The following TTLL8 variants were observed in gnomAD, a reference collection of about 807,000 sequenced individuals.
TTLL8 encodes the protein tubulin tyrosine ligase like 8, also known as protein monoglycylase TTLL8.
Under a neutral mutation model 77.8 loss-of-function variants are expected in TTLL8, and 65 were observed. That is an observed-to-expected ratio of 0.84 (90% confidence interval 0.68 to 1.03). The LOEUF (loss-of-function observed/expected upper bound fraction) is 1.03. Ranked by LOEUF, TTLL8 falls within the 50% of genes least tolerant of loss-of-function variation. TTLL8 has a pLI of 0.00. For missense variants in TTLL8, 910 were observed against 1,004.5 expected, an observed-to-expected ratio of 0.91 and a Z score of 1.27; for synonymous variants, 402 against 422.8, an observed-to-expected ratio of 0.95 and a Z score of 0.60.
rs758696709 is a variant in TTLL8, at chr22:50,030,936, G to A, written c.1708-11C>T. 7.6e-7 allele frequency: 1 copy of A among 1,315,082 alleles called. No individual in the cohort carries two copies. The highest frequency in any genetic ancestry group is 1.0e-6 in the Non-Finnish European group (1 of 1,003,308). The allele number at this position is 1,315,082 out of a possible 1,614,324, so 81.5% of individuals were successfully genotyped here. ...CGGCTCAACCACCGGCTGTGGGGAAGGAACAGGTTGGGGTGCTGGGCTGTG... is the reference window on the plus strand; with the variant it reads ...CGGCTCAACCACCGGCTGTGGGGAAAGAACAGGTTGGGGTGCTGGGCTGTG... On this transcript the variant is annotated splice_polypyrimidine_tract_variant and intron_variant, in intron 11 of 13. Transcript: ENST00000266182.
chr22:50,025,463 A>T (rs927839225), intron 12 of TTLL8, among the ~76,000 whole-genome samples: 19 of 152,054 alleles, frequency 1.2e-4, no homozygotes, highest in Admixed American at 2.6e-4. Flanking sequence ...AACATGGTGA[A>T]ACCCCGTCTC....
intron 12 of TTLL8, among the ~76,000 whole-genome samples, chr22:50,026,490 C>T (rs1043672774): frequency 4.0e-5 from 6 of 149,642 alleles, no homozygotes; most frequent in South Asian, 2.1e-4. Context: ...GGGTCAGACA[C>T]GGAAATACAC....
chr22:50,022,498 C>G (rs1020207242), intron 12 of TTLL8, among the ~76,000 whole-genome samples: 1 of 151,458 alleles, frequency 6.6e-6, no homozygotes, highest in Non-Finnish European at 1.5e-5. Flanking sequence ...GACGTGCACT[C>G]CTCCATCTGA....
chr22:50,056,991 GTGGTTA>G, upstream of TTLL8: 1 of 1,288,410 alleles, frequency 7.8e-7, no homozygotes, highest in Non-Finnish European at 1.0e-6. The surrounding 1 kb of genome is among the most constrained non-coding windows in gnomAD (Gnocchi z 4.1). Context: ...AGAGGGTGTG[GTGGTTA>G]CAGGAAACTG....
At position 50,020,866 on chromosome 22, in the gene TTLL8, G is replaced by A. The variant is rs548514262; in HGVS notation, c.2204-4304C>T. Among the ~76,000 whole-genome samples the A allele has an allele frequency of 3.7e-3, 440 of 119,010 alleles. 2 individuals carry two copies. Among genetic ancestry groups the A allele is most frequent in the African/African-American group, 0.013 (402 of 31,500 alleles). The allele number at this position is 119,010 out of a possible 152,430, so 78.1% of individuals were successfully genotyped here. ...AACGTGCACTCCTACATCTGACGACGTGCACTCCTCCATCTGACGTGCACT... is the reference window on the plus strand; with the variant it reads ...AACGTGCACTCCTACATCTGACGACATGCACTCCTCCATCTGACGTGCACT... On this transcript the variant is annotated intron_variant, in intron 12 of 13. Transcript: ENST00000266182.
exon 10 of TTLL8, chr22:50,033,303 C>T (rs748103250): frequency 7.3e-7 from 1 of 1,364,750 alleles, no homozygotes; most frequent in African/African-American, 1.5e-5. Flanking sequence ...CGAGGAACCA[C>T]TGTCTGATGT....
intron 1 of TTLL8, among the ~76,000 whole-genome samples, chr22:50,051,252 C>G (rs1289548258): frequency 6.6e-6 from 1 of 152,270 alleles, no homozygotes; most frequent in Non-Finnish European, 1.5e-5. Context: ...TTTGCATCCT[C>G]ATAGCTTAGC....
At chr22:50,058,099 C>A (rs896345328), upstream of TTLL8, among the ~76,000 whole-genome samples, 4 of 151,652 alleles carry the variant, frequency 2.6e-5, no homozygotes, top group South Asian at 2.1e-4. The surrounding 1 kb of genome is among the most constrained non-coding windows in gnomAD (Gnocchi z 4.2). Context: ...GGGGTCCTGT[C>A]CGGGATCGGA....
exon 12 of TTLL8, chr22:50,030,745 G>A: frequency 7.5e-7 from 1 of 1,328,648 alleles, no homozygotes; most frequent in South Asian, 1.2e-5. Context: ...GCTGGTGATG[G>A]GGGTCCCTGG....
rs1430460930 is a variant in TTLL8 at position 50,044,189 on chromosome 22, G to T, written c.643+1066C>A. ...AAAATACAAAACATTAGCCGGGCGTGGTGGTGGGCACCCAACTACTCGGGA... is the reference window on the plus strand; with the variant it reads ...AAAATACAAAACATTAGCCGGGCGTTGTGGTGGGCACCCAACTACTCGGGA... On this transcript the variant is annotated intron_variant, in intron 6 of 13. Coordinates refer to ENST00000266182, the Ensembl canonical transcript of TTLL8. The surrounding 1 kb of genome is among the most constrained non-coding windows in gnomAD (Gnocchi z 4.2). 6.6e-6 allele frequency among the ~76,000 whole-genome samples: 1 copy of T among 152,120 alleles called. No homozygotes were observed. The highest frequency in any genetic ancestry group is 2.4e-5 in the African/African-American group (1 of 41,422).
At chr22:50,043,394 G>A (rs1437082663) in intron 6 of TTLL8, among the ~76,000 whole-genome samples, 37 of 58,428 alleles carry the variant, frequency 6.3e-4, no homozygotes, top group Non-Finnish European at 1.1e-3. Context: ...CAGTGGTGCC[G>A]AGACGTCCTT....
In TTLL8 at chr22:50,030,912, G is replaced by A. The variant is rs764759229; in HGVS notation, c.1721C>T (p.Pro574Leu). The A allele has an allele frequency of 6.1e-6, 8 of 1,320,828 alleles. No individual in the cohort carries two copies. In the African/African-American group the frequency reaches 1.0e-4, roughly 17 times the overall value. 81.8% of individuals were successfully genotyped at this position (1,320,828 alleles called of 1,614,324 possible). Reference sequence around the variant, plus strand: ...GAGGTCGGACCCGCTGAATGGGGGCGGCTCAACCACCGGCTGTGGGGAAGG... The same window carrying A: ...GAGGTCGGACCCGCTGAATGGGGGCAGCTCAACCACCGGCTGTGGGGAAGG... The change falls in exon 12 of 14, where the codon CCG becomes CTG. Residue 574 changes from proline (P) to leucine (L), a missense_variant. Around this residue, in one of 2 missense-constraint regions of TTLL8, gnomAD observed 776 missense variants for 926.1 expected, o/e 0.84. Coordinates refer to ENST00000266182, the Ensembl canonical transcript of TTLL8.
rs978179544 is a variant in TTLL8 at position 50,034,394 on chromosome 22, G to A, written c.990C>T (p.Ile330=). 14 of 1,367,318 alleles carry A rather than the reference G, an allele frequency of 1.0e-5. No individual in the cohort carries two copies. The highest frequency in any genetic ancestry group is 1.4e-5 in the Non-Finnish European group (14 of 1,021,842). 84.7% of individuals were successfully genotyped at this position (1,367,318 alleles called of 1,614,324 possible). Residue 330 remains isoleucine (I), a synonymous_variant, in exon 9 of 14, where the codon ATC becomes ATT. Transcript: ENST00000266182. The surrounding 1 kb of genome is among the most constrained non-coding windows in gnomAD (Gnocchi z 4.1). ...ACTTGGCCGCGGGCTTTATAATCCA[G>A]ATGTTCCGGAGCCCGTCAATGTCCG...
At chr22:50,030,169 A>G (rs1393236120) in intron 12 of TTLL8, 2 of 985,072 alleles carry the variant, frequency 2.0e-6, no homozygotes, top group African/African-American at 3.5e-5. Flanking sequence ...GTCACCCGCC[A>G]GGTTCTACAG....
At chr22:50,042,036 T>C (rs917212147) in intron 6 of TTLL8, among the ~76,000 whole-genome samples, 1 of 152,158 alleles carries the variant, frequency 6.6e-6, no homozygotes, top group African/African-American at 2.4e-5. Context: ...ACTTCCTCCC[T>C]CCTGAACGGT....
chr22:50,056,971 C>T (rs1224195045), upstream of TTLL8: 6 of 1,288,566 alleles, frequency 4.7e-6, no homozygotes, highest in Admixed American at 6.9e-5. The surrounding 1 kb of genome is among the most constrained non-coding windows in gnomAD (Gnocchi z 4.1). Flanking sequence ...GCTCCTCTGA[C>T]CCCTAGAGGA....
At chr22:50,052,726 G>A (rs2146700144) in intron 1 of TTLL8, among the ~76,000 whole-genome samples, 1 of 152,322 alleles carries the variant, frequency 6.6e-6, no homozygotes, top group African/African-American at 2.4e-5. Flanking sequence ...TCACTAGAAA[G>A]ATACATGTGT....
chr22:50,038,866 T>C (rs2048164805), intron 8 of TTLL8, among the ~76,000 whole-genome samples: 2 of 152,150 alleles, frequency 1.3e-5, no homozygotes, highest in Non-Finnish European at 2.9e-5. Flanking sequence ...ACAAATTTAC[T>C]AGGACAGGTA....
intron 6 of TTLL8, among the ~76,000 whole-genome samples, chr22:50,043,002 A>T (rs2061381256): frequency 6.6e-6 from 1 of 152,268 alleles, no homozygotes; most frequent in African/African-American, 2.4e-5. Flanking sequence ...ACCCAGATGA[A>T]TTCAAAACTT....
Sources: allele counts gnomAD v4.1 joint callset (sites outside exome capture counted in the v4.1 genomes callset), GRCh38; gene constraint gnomAD v4.1.1; regional missense constraint gnomAD v4.1.1; non-coding constraint Gnocchi (gnomAD v3.1); transcripts MANE v1.5; gene names NCBI Gene and HGNC (gene_info 2026-07-23, HGNC 2026-07-21).